The following SMAP1 variants were observed in gnomAD, a reference collection of about 807,000 sequenced individuals.
The protein encoded by SMAP1 is small ArfGAP 1.
SMAP1 carries 24 observed loss-of-function variants against 58.5 expected under a neutral mutation model. The observed-to-expected ratio is 0.41, with a 90% CI of 0.30 to 0.58. The LOEUF is 0.58. Ranked by LOEUF, SMAP1 falls within the 20% of genes least tolerant of loss-of-function variation. SMAP1 has a pLI of 0.29. For synonymous variants in SMAP1, 216 were observed against 196.6 expected (o/e 1.10, Z -0.82); for missense variants, 563 against 566.3 (o/e 0.99, Z 0.06).
chr6:70,824,595 T>G (rs1770035018), intron 6 of SMAP1, among the ~76,000 whole-genome samples: 1 of 152,194 alleles, frequency 6.6e-6, no homozygotes, highest in Non-Finnish European at 1.5e-5. Context: ...GAAGTTTTAA[T>G]TGCAAACATA....
intron 2 of SMAP1, among the ~76,000 whole-genome samples, chr6:70,753,566 T>C (rs1766365983): frequency 1.3e-5 from 2 of 152,124 alleles, no homozygotes; most frequent in Non-Finnish European, 2.9e-5. Flanking sequence ...AAGGGTGAGC[T>C]ATACTGAAAT....
At chr6:70,769,577 C>T (rs1767175819) in intron 3 of SMAP1, among the ~76,000 whole-genome samples, 1 of 152,114 alleles carries the variant, frequency 6.6e-6, no homozygotes, top group Non-Finnish European at 1.5e-5. Context: ...ATTGCAACCC[C>T]TGCCTTTTTT....
rs918567887 is a variant in SMAP1, at chr6:70,725,975, A to G, written c.119-6403A>G. Among the ~76,000 whole-genome samples the G allele has an allele frequency of 3.9e-5, 6 of 152,338 alleles. No individual in the cohort carries two copies. In the East Asian group the frequency reaches 1.2e-3, roughly 29 times the overall value. ...AGTAGAGTAAAATCCCCCAGCCAGT[A>G]TAAGGGAATTTCGTTTGGAATGATG... is the stretch of plus-strand genomic sequence containing the variant. On this transcript the variant is annotated intron_variant, in intron 1 of 10. Transcript: ENST00000370455.
At chr6:70,696,357 C>T (rs990564430) in intron 1 of SMAP1, among the ~76,000 whole-genome samples, 2 of 152,042 alleles carry the variant, frequency 1.3e-5, no homozygotes, top group Non-Finnish European at 2.9e-5. Context: ...TTGAAGTCTT[C>T]TGCTTTTTTA....
intron 8 of SMAP1, among the ~76,000 whole-genome samples, chr6:70,855,814 A>G (rs1771393713): frequency 6.6e-6 from 1 of 152,206 alleles, no homozygotes; most frequent in Non-Finnish European, 1.5e-5. Context: ...GATATATTTT[A>G]TTCAGGGGTA....
rs549690326 is a variant in SMAP1 at position 70,793,859 on chromosome 6, C to T, written c.495+2090C>T. The stretch of plus-strand genomic sequence containing the variant: ...AAGCAATTCTTCTGCCTCAGCCTCC[C>T]GAGTAGCTGGGTTTACAGGCATGCG... On this transcript the variant is annotated intron_variant, in intron 5 of 10. Transcript: ENST00000370455. 1.7e-3 allele frequency among the ~76,000 whole-genome samples: 261 copies of T among 152,110 alleles called. 1 individual carries two copies. The highest frequency in any genetic ancestry group is 5.6e-3 in the African/African-American group (232 of 41,494).
chr6:70,695,555 C>G (rs1038902369), intron 1 of SMAP1, among the ~76,000 whole-genome samples: 8 of 152,002 alleles, frequency 5.3e-5, no homozygotes, highest in African/African-American at 1.9e-4. Flanking sequence ...GGTTTTTGTC[C>G]TTCATTCAAT....
chr6:70,676,874 C>T (rs1483135095), intron 1 of SMAP1, among the ~76,000 whole-genome samples: 1 of 152,074 alleles, frequency 6.6e-6, no homozygotes, highest in Non-Finnish European at 1.5e-5. Context: ...CCTCTAACTT[C>T]TGGGCTCAAG....
rs975532091 is a variant in SMAP1, at chr6:70,857,543, C to T, written c.962-379C>T. ...AAAATTGTTGGGCAGCCCACTACAC[C>T]TATTGAAGCGAGATATAGTCAGCTC... On this transcript the variant is annotated intron_variant, in intron 9 of 10. Coordinates refer to ENST00000370455, the MANE Select transcript of SMAP1 (RefSeq NM_001044305.3). The T allele has an allele frequency of 2.5e-5, 5 of 203,412 alleles. No individual in the cohort carries two copies. The South Asian group carries it at 4.1e-4, about 17-fold the overall frequency. The allele number at this position is 203,412 out of a possible 1,614,324, so 12.6% of individuals were successfully genotyped here.
At chr6:70,839,829 T>A (rs182727660) in intron 7 of SMAP1, among the ~76,000 whole-genome samples, 138 of 152,140 alleles carry the variant, frequency 9.1e-4, no homozygotes, top group Middle Eastern at 3.4e-3. Flanking sequence ...ACTTTTTTTT[T>A]AAAAAAGCTA....
chr6:70,806,288 C>G (rs1769127158), intron 6 of SMAP1, among the ~76,000 whole-genome samples: 2 of 152,248 alleles, frequency 1.3e-5, no homozygotes, highest in South Asian at 4.1e-4. Flanking sequence ...GTGAGCAAGG[C>G]TCTGTGAGCG....
intron 5 of SMAP1, among the ~76,000 whole-genome samples, chr6:70,797,220 C>T (rs1180538246): frequency 1.3e-5 from 2 of 152,102 alleles, no homozygotes; most frequent in Non-Finnish European, 2.9e-5. Context: ...TTTAAAATCA[C>T]ACAACAAACA....
chr6:70,840,819 T>C (rs1308660258), intron 7 of SMAP1, among the ~76,000 whole-genome samples: 1 of 152,214 alleles, frequency 6.6e-6, no homozygotes, highest in African/African-American at 2.4e-5. Flanking sequence ...CTTGACTAAG[T>C]GCCAGATTGA....
intron 10 of SMAP1, chr6:70,859,651 A>G (rs1771615763): frequency 1.1e-5 from 3 of 282,232 alleles, no homozygotes; most frequent in Non-Finnish European, 2.0e-5. Flanking sequence ...ATATATATAT[A>G]TATTTGACTC....
chr6:70,717,365 T>A (rs1768317784), intron 1 of SMAP1, among the ~76,000 whole-genome samples: 2 of 152,204 alleles, frequency 1.3e-5, no homozygotes, highest in South Asian at 4.1e-4. Context: ...CTCTTAGGGC[T>A]AGGTGATTTA....
chr6:70,728,263 C>T (rs1470428679), intron 1 of SMAP1, among the ~76,000 whole-genome samples: 1 of 151,944 alleles, frequency 6.6e-6, no homozygotes, highest in African/African-American at 2.4e-5. Flanking sequence ...GAACACAGGC[C>T]CAGTGTGGTT....
chr6:70,831,231 T>G (rs577917212), intron 6 of SMAP1, among the ~76,000 whole-genome samples: 1 of 152,170 alleles, frequency 6.6e-6, no homozygotes, highest in Non-Finnish European at 1.5e-5. Context: ...GGTCATGATA[T>G]AATGATTGGA....
rs997575753 is a variant in SMAP1 at position 70,738,169 on chromosome 6, A to G, written c.252+5658A>G. 2.6e-5 allele frequency among the ~76,000 whole-genome samples: 4 copies of G among 152,202 alleles called. 1 individual carries two copies. Among genetic ancestry groups the G allele is most frequent in the Admixed American group, 2.6e-4 (4 of 15,282 alleles). ...TTTAGATGACTCTGAAGTTTCTTCC[A>G]TTCTTGAGAATGTTTTAGTTGTATA... On this transcript the variant is annotated intron_variant, in intron 2 of 10. Transcript: ENST00000370455.
At chr6:70,780,108 C>T (rs1483973178) in intron 4 of SMAP1, among the ~76,000 whole-genome samples, 1 of 152,136 alleles carries the variant, frequency 6.6e-6, no homozygotes, top group Non-Finnish European at 1.5e-5. Context: ...TTTGATTTAC[C>T]ACAGTCCTGC....
Sources: gnomAD v4.1 joint callset for allele counts (sites outside exome capture counted in the v4.1 genomes callset) on GRCh38, gnomAD v4.1.1 for gene constraint, MANE v1.5 for transcripts, NCBI Gene and HGNC (gene_info 2026-07-23, HGNC 2026-07-21) for gene names.